APC: variants seen among roughly 807,000 people sequenced by gnomAD.
The protein encoded by APC is adenomatous polyposis coli protein.
Under a neutral mutation model 247.0 loss-of-function variants are expected in APC, and 72 were observed. That is an observed-to-expected ratio of 0.29 (90% CI 0.24 to 0.35). APC has a LOEUF of 0.35. Ranked by LOEUF, APC falls within the 10% of genes least tolerant of loss-of-function variation. The pLI, the probability that APC is intolerant of heterozygous loss-of-function variation, is 1.00. For missense variants in APC, 3,400 were observed against 3,360.7 expected, an observed-to-expected ratio of 1.01 and a Z score of -0.29; for synonymous variants, 1,254 against 1,162.5, an observed-to-expected ratio of 1.08 and a Z score of -1.60.
chr5:112,814,476 C>G (rs894768988), intron 8 of APC, among the ~76,000 whole-genome samples: 2 of 152,136 alleles, frequency 1.3e-5, no homozygotes, highest in Admixed American at 6.5e-5. Context: ...GACTCCCAGC[C>G]CCTCTTTACT....
chr5:112,721,511 G>T (rs1436480272), intron 1 of APC, among the ~76,000 whole-genome samples: 1 of 152,184 alleles, frequency 6.6e-6, no homozygotes, highest in East Asian at 1.9e-4. Flanking sequence ...TGATGACAAG[G>T]TCCTGCGTGG....
rs2149887167 is a variant in APC at position 112,838,813 on chromosome 5, A to C, written c.3219A>C (p.Thr1073=). The C allele has an allele frequency of 6.2e-7, 1 of 1,614,166 alleles. No individual in the cohort carries two copies. The highest frequency in any genetic ancestry group is 8.5e-7 in the Non-Finnish European group (1 of 1,180,026). Residue 1073 remains threonine (T), a synonymous_variant, in exon 16 of 16, where the codon ACA becomes ACC. Transcript: ENST00000257430. ...SEQRQSRNQS[T]TYPVYTESTD... ...AAAGACAATCAAGGAATCAAAGTACAACTTATCCTGTTTATACTGAGAGCA... is the reference window on the plus strand; with the variant it reads ...AAAGACAATCAAGGAATCAAAGTACCACTTATCCTGTTTATACTGAGAGCA...
At chr5:112,807,153 C>T (rs917274614) in intron 8 of APC, among the ~76,000 whole-genome samples, 4 of 144,358 alleles carry the variant, frequency 2.8e-5, no homozygotes, top group East Asian at 2.0e-4. Flanking sequence ...AAAAAAAAAA[C>T]GTAAAACCAA....
chr5:112,833,100 A>T (rs1188251064), intron 14 of APC, among the ~76,000 whole-genome samples: 1 of 148,182 alleles, frequency 6.7e-6, no homozygotes, highest in East Asian at 2.0e-4. Context: ...CACAGCCTTG[A>T]CCTCCTGGGC....
rs2149614506 is a variant in APC at position 112,775,637 on chromosome 5, T to C, written c.431T>C (p.Leu144Pro). 1 of 1,601,388 alleles carries C rather than the reference T, an allele frequency of 6.2e-7. No individual in the cohort carries two copies. The change falls in exon 5 of 16, where the codon CTT becomes CCT. Residue 144 changes from leucine to proline, a missense_variant. Physicochemically the swap from Leu to Pro is moderately conservative, Grantham distance 98. Around this residue, in one of 9 missense-constraint regions of APC, gnomAD observed 372 missense variants for 367.6 expected, o/e 1.01. Transcript: ENST00000257430. ...LEELEKERSL[L>P]LADLDKEEKE... ...TAAAAAAAAAAAAATAGGTCATTGC[T>C]TCTTGCTGATCTTGACAAAGAAGAA...
Position 112,838,829 on chromosome 5 carries a change from A to G in APC, c.3235A>G (p.Thr1079Ala), listed in dbSNP as rs1456190774. ...TCAAAGTACAACTTATCCTGTTTAT[A>G]CTGAGAGCACTGATGATAAACACCT... ...RNQSTTYPVY[T>A]ESTDDKHLKF... The change falls in exon 16 of 16, where the codon ACT becomes GCT. Residue 1079 changes from threonine (T) to alanine (A), a missense_variant. Transcript: ENST00000257430. 3 of 1,614,170 alleles carry G rather than the reference A, an allele frequency of 1.9e-6. No homozygotes were observed. Among genetic ancestry groups the G allele is most frequent in the Admixed American group, 1.7e-5 (1 of 60,026 alleles).
intron 8 of APC, among the ~76,000 whole-genome samples, chr5:112,803,340 C>T (rs374857981): frequency 2.4e-4 from 36 of 152,220 alleles, no homozygotes; most frequent in African/African-American, 7.0e-4. Context: ...CATCATAATA[C>T]TAACAATAGC....
chr5:112,826,326 A>G (rs761334862), intron 11 of APC, among the ~76,000 whole-genome samples: 2 of 150,708 alleles, frequency 1.3e-5, no homozygotes, highest in Non-Finnish European at 3.0e-5. Context: ...TCACTTCCTC[A>G]CCATTTTGCT....
intron 1 of APC, among the ~76,000 whole-genome samples, chr5:112,746,776 G>A (rs1201217153): frequency 1.3e-5 from 2 of 152,070 alleles, no homozygotes; most frequent in Non-Finnish European, 2.9e-5. Context: ...TAGTTTATTC[G>A]ACATTTTAAA....
chr5:112,813,628 G>A lies in APC; in HGVS notation c.835-1867G>A, dbSNP rs371031115. ...AACAGGGAAGAAAAGTTTCTAATAC[G>A]TCACCATAGCTGGGCTCATTGGCTC... On this transcript the variant is annotated intron_variant, in intron 8 of 15. Coordinates refer to ENST00000257430, the MANE Select transcript of APC (RefSeq NM_000038.6). Among the ~76,000 whole-genome samples the A allele has an allele frequency of 3.4e-4, 52 of 152,034 alleles. No individual in the cohort carries two copies. The East Asian group carries it at 9.3e-3, about 27-fold the overall frequency.
intron 1 of APC, among the ~76,000 whole-genome samples, chr5:112,720,335 A>G (rs182370520): frequency 1.3e-4 from 20 of 152,346 alleles, no homozygotes; most frequent in African/African-American, 4.8e-4. Context: ...ATACTAAGTC[A>G]AAGATTCCTA....
At chr5:112,778,125 T>A (rs139427136) in intron 5 of APC, 418 of 202,204 alleles carry the variant, frequency 2.1e-3, no homozygotes, top group East Asian at 5.6e-3. Flanking sequence ...TGCCTCTTCA[T>A]CTTTTTTACT....
intron 1 of APC, among the ~76,000 whole-genome samples, chr5:112,743,966 G>A (rs931878678): frequency 3.9e-5 from 6 of 152,046 alleles, no homozygotes; most frequent in Admixed American, 6.5e-5. Context: ...AGCCTCCCAA[G>A]TAGCTAGGAT....
At chr5:112,718,478 G>A (rs560151393) in intron 1 of APC, among the ~76,000 whole-genome samples, 20 of 152,218 alleles carry the variant, frequency 1.3e-4, no homozygotes, top group Non-Finnish European at 2.8e-4. Flanking sequence ...TCAGCCGGAA[G>A]CCAATGCTGT....
At chr5:112,745,974 GTTTT>G (rs745787607) in intron 1 of APC, among the ~76,000 whole-genome samples, 14 of 152,164 alleles carry the variant, frequency 9.2e-5, no homozygotes, top group Non-Finnish European at 1.9e-4. Context: ...ATGTGTTGAT[GTTTT>G]TGTTTGTTTT....
At chr5:112,777,295 A>G (rs1306797397) in intron 5 of APC, among the ~76,000 whole-genome samples, 1 of 152,100 alleles carries the variant, frequency 6.6e-6, no homozygotes, top group Admixed American at 6.6e-5. Flanking sequence ...AAAAAAAAAC[A>G]AGTAAGAAAC....
chr5:112,813,192 A>G lies in APC; in HGVS notation c.835-2303A>G, dbSNP rs1024308703. Among the ~76,000 whole-genome samples, 13 of 152,354 alleles carry G rather than the reference A, an allele frequency of 8.5e-5. No individual in the cohort carries two copies. The East Asian group carries it at 2.5e-3, about 29-fold the overall frequency. ...TCACTTTTATTGAAGAAAGATTAGT[A>G]TGTGATAAAATGTACCCATTTTAAG... On this transcript the variant is annotated intron_variant, in intron 8 of 15. Transcript: ENST00000257430.
At chr5:112,751,702 C>G (rs994986212) in intron 1 of APC, among the ~76,000 whole-genome samples, 2 of 151,660 alleles carry the variant, frequency 1.3e-5, no homozygotes. Flanking sequence ...TTCATCGATG[C>G]TTTTGTATAT....
At chr5:112,818,874 G>A (rs80307314) in intron 9 of APC, 92 bp from the exon 10 acceptor site, 15 of 1,159,384 alleles carry the variant, frequency 1.3e-5, no homozygotes, top group Middle Eastern at 2.9e-4. Context: ...TTTTTTTAGA[G>A]TTATAGTAAA....
Sources: allele counts gnomAD v4.1 joint callset (sites outside exome capture counted in the v4.1 genomes callset), GRCh38; gene constraint gnomAD v4.1.1; regional missense constraint gnomAD v4.1.1; transcripts MANE v1.5; gene names NCBI Gene and HGNC (gene_info 2026-07-23, HGNC 2026-07-21).